Variants in FTO observed in about 807,000 individuals in gnomAD.
FTO encodes the protein alpha-ketoglutarate-dependent dioxygenase FTO.
In FTO, 47 loss-of-function variants were observed where a neutral mutation model predicts 63.9. The ratio of observed to expected loss-of-function variants is 0.74; its 90% CI spans 0.58 to 0.94. The LOEUF (loss-of-function observed/expected upper bound fraction) is 0.94, where lower values mean the gene tolerates loss of function less well. Ranked by LOEUF, FTO falls within the 40% of genes least tolerant of loss-of-function variation. The pLI is 0.00. For synonymous variants in FTO, 207 were observed against 224.4 expected (o/e 0.92, Z 0.69); for missense variants, 562 against 618.1 (o/e 0.91, Z 0.96).
At chr16:53,905,904 A>C (rs935651983) in intron 7 of FTO, among the ~76,000 whole-genome samples, 6 of 152,144 alleles carry the variant, frequency 3.9e-5, no homozygotes, top group African/African-American at 1.4e-4. Flanking sequence ...ATATTTGTTG[A>C]ATGCCTTGCT....
intron 7 of FTO, among the ~76,000 whole-genome samples, chr16:53,920,964 G>A (rs1380899624): frequency 6.6e-6 from 1 of 152,132 alleles, no homozygotes; most frequent in Non-Finnish European, 1.5e-5. Context: ...AGAGGAGTTG[G>A]GTGGGTAGGT....
intron 2 of FTO, among the ~76,000 whole-genome samples, chr16:53,823,974 C>T (rs1019488671): frequency 1.3e-5 from 2 of 152,212 alleles, no homozygotes; most frequent in African/African-American, 4.8e-5. Flanking sequence ...CTACCTACAA[C>T]GTATGTATTT....
At chr16:53,820,013 T>TC (rs1345206202) in intron 2 of FTO, among the ~76,000 whole-genome samples, 85 of 147,156 alleles carry the variant, frequency 5.8e-4, no homozygotes, top group Non-Finnish European at 7.7e-4. Flanking sequence ...TTCTTCTTCT[T>TC]TTTTTTTTTT....
intron 4 of FTO, among the ~76,000 whole-genome samples, chr16:53,871,635 G>A (rs1348862483): frequency 2.6e-5 from 4 of 151,884 alleles, no homozygotes; most frequent in Non-Finnish European, 4.4e-5. Context: ...ATTGCACATC[G>A]TATTTGTTGG....
At chr16:53,744,693 G>T (rs1320260531) in intron 1 of FTO, among the ~76,000 whole-genome samples, 1 of 152,130 alleles carries the variant, frequency 6.6e-6, no homozygotes, top group Non-Finnish European at 1.5e-5. Context: ...GATCAAATGA[G>T]CCCCTGACAC....
chr16:53,716,233 G>A (rs1220906418), intron 1 of FTO, among the ~76,000 whole-genome samples: 2 of 152,180 alleles, frequency 1.3e-5, no homozygotes, highest in African/African-American at 2.4e-5. Flanking sequence ...TAGGGGGATA[G>A]TCAAAGGAAA....
intron 1 of FTO, among the ~76,000 whole-genome samples, chr16:53,789,731 T>G (rs1456046783): frequency 6.6e-6 from 1 of 150,444 alleles, no homozygotes; most frequent in African/African-American, 2.4e-5. Flanking sequence ...TCACATAAAC[T>G]GTTTATAGTG....
At chr16:53,774,757 G>A (rs1461463032) in intron 1 of FTO, among the ~76,000 whole-genome samples, 2 of 152,158 alleles carry the variant, frequency 1.3e-5, no homozygotes, top group African/African-American at 4.8e-5. Context: ...TGGCTTGCCA[G>A]GGTAGCCGCT....
At chr16:53,928,969 G>A (rs540903792) in intron 7 of FTO, among the ~76,000 whole-genome samples, 2 of 151,828 alleles carry the variant, frequency 1.3e-5, no homozygotes, top group Non-Finnish European at 2.9e-5. Context: ...TCAGCCTCCC[G>A]AGTAGCTGGG....
chr16:53,854,575 G>A (rs971236686), intron 4 of FTO, among the ~76,000 whole-genome samples: 5 of 151,848 alleles, frequency 3.3e-5, no homozygotes, highest in Non-Finnish European at 5.9e-5. Flanking sequence ...ATCCTTTGTC[G>A]AAGATCAGTT....
chr16:53,907,940 T>C (rs2081579239), intron 7 of FTO, among the ~76,000 whole-genome samples: 1 of 152,216 alleles, frequency 6.6e-6, no homozygotes, highest in African/African-American at 2.4e-5. Flanking sequence ...TCAAGCTTTA[T>C]TCTGGAGGCA....
At chr16:53,919,304 T>G (rs1485025239) in intron 7 of FTO, among the ~76,000 whole-genome samples, 1 of 152,132 alleles carries the variant, frequency 6.6e-6, no homozygotes, top group Admixed American at 6.5e-5. Flanking sequence ...ATCATTATCA[T>G]GAGTCAGAAA....
At chr16:53,891,997 A>C (rs973387853) in intron 7 of FTO, among the ~76,000 whole-genome samples, 1 of 152,192 alleles carries the variant, frequency 6.6e-6, no homozygotes, top group East Asian at 1.9e-4. Flanking sequence ...GTGAAGATTT[A>C]GGTCCAGATA....
intron 1 of FTO, among the ~76,000 whole-genome samples, chr16:53,797,943 AAGGTTTTATATT>A (rs1278730782): frequency 3.9e-5 from 6 of 152,068 alleles, no homozygotes; most frequent in Non-Finnish European, 8.8e-5. Flanking sequence ...TTATAGTTTT[AAGGTTTTATATT>A]AGGTTTTATA....
At chr16:53,924,747 A>G (rs984879313) in intron 7 of FTO, among the ~76,000 whole-genome samples, 1 of 152,178 alleles carries the variant, frequency 6.6e-6, no homozygotes, top group Non-Finnish European at 1.5e-5. Context: ...GGGGAAAGAA[A>G]GTTTTAACAT....
intron 3 of FTO, among the ~76,000 whole-genome samples, chr16:53,831,922 G>A (rs2079155691): frequency 6.6e-6 from 1 of 152,194 alleles, no homozygotes; most frequent in African/African-American, 2.4e-5. Flanking sequence ...GCTTTGTCAT[G>A]TTAGAATACA....
chr16:53,857,089 G>C (rs2080022937), intron 4 of FTO, among the ~76,000 whole-genome samples: 1 of 151,684 alleles, frequency 6.6e-6, no homozygotes, highest in Non-Finnish European at 1.5e-5. Context: ...TTTTCTCCCA[G>C]CTTTTATTTC....
chr16:53,743,351 G>T (rs1179081106), intron 1 of FTO, among the ~76,000 whole-genome samples: 1 of 151,874 alleles, frequency 6.6e-6, no homozygotes, highest in African/African-American at 2.4e-5. Context: ...ACCTAAATTG[G>T]ACATAAGGAA....
intron 7 of FTO, among the ~76,000 whole-genome samples, chr16:53,900,990 G>C (rs1037779758): frequency 5.3e-5 from 8 of 152,072 alleles, no homozygotes; most frequent in African/African-American, 1.9e-4. Flanking sequence ...TTAATGACTG[G>C]CTTCCTATCA....
Sources: gnomAD v4.1 joint callset for allele counts (sites outside exome capture counted in the v4.1 genomes callset) on GRCh38, gnomAD v4.1.1 for gene constraint, MANE v1.5 for transcripts, NCBI Gene and HGNC (gene_info 2026-07-23, HGNC 2026-07-21) for gene names.